The following SERPINE2 variants were observed in gnomAD, a reference collection of about 807,000 sequenced individuals.
SERPINE2 encodes the protein serpin family E member 2.
SERPINE2 carries 14 observed loss-of-function variants against 36.3 expected under a neutral mutation model. The ratio of observed to expected loss-of-function variants is 0.39; its 90% CI spans 0.25 to 0.60. The LOEUF (loss-of-function observed/expected upper bound fraction) is 0.60. SERPINE2 is among the 20% of genes least tolerant of loss of function. The pLI, the probability that SERPINE2 is intolerant of heterozygous loss-of-function variation, is 0.57. For missense variants in SERPINE2, 418 were observed against 499.6 expected (o/e 0.84, Z 1.56); for synonymous variants, 192 against 191.8 (o/e 1.00, Z -0.01).
chr2:223,982,850 A>C (rs958230110), intron 5 of SERPINE2, 69 bp from the exon 6 acceptor site: 66 of 1,090,692 alleles, frequency 6.1e-5, no homozygotes, highest in Non-Finnish European at 8.2e-5. Flanking sequence ...GAGTCGGTGC[A>C]TGTTTACAAA....
At chr2:224,020,187 T>C (rs1380147130) in intron 1 of SERPINE2, among the ~76,000 whole-genome samples, 2 of 152,194 alleles carry the variant, frequency 1.3e-5, no homozygotes, top group Admixed American at 1.3e-4. Flanking sequence ...GTAATATTTA[T>C]GAACAACCAT....
chr2:223,977,084 G>A (rs956530870), intron 8 of SERPINE2, among the ~76,000 whole-genome samples: 5 of 152,144 alleles, frequency 3.3e-5, no homozygotes, highest in African/African-American at 1.2e-4. Flanking sequence ...TGAGGTTCCT[G>A]AGGCTTCCCT....
intron 1 of SERPINE2, among the ~76,000 whole-genome samples, chr2:224,032,910 A>G (rs1692425541): frequency 6.6e-6 from 1 of 152,236 alleles, no homozygotes; most frequent in Non-Finnish European, 1.5e-5. Flanking sequence ...CTGGGCTTAC[A>G]TCCAGACCTA....
intron 1 of SERPINE2, among the ~76,000 whole-genome samples, chr2:224,017,801 C>A (rs1311277321): frequency 6.6e-6 from 1 of 152,164 alleles, no homozygotes; most frequent in African/African-American, 2.4e-5. Context: ...TCGAAGCTGG[C>A]CTCTGCTGTT....
chr2:224,013,980 A>G (rs1207814031), intron 1 of SERPINE2: 2 of 152,382 alleles, frequency 1.3e-5, no homozygotes, highest in African/African-American at 4.8e-5. Context: ...CTGGCAGGCC[A>G]AAGCTTCAAT....
At chr2:224,018,103 C>T (rs1683040405) in intron 1 of SERPINE2, among the ~76,000 whole-genome samples, 1 of 152,140 alleles carries the variant, frequency 6.6e-6, no homozygotes, top group African/African-American at 2.4e-5. Flanking sequence ...TTGCCCTCCC[C>T]AGGGGAAGCA....
At chr2:224,016,521 A>G (rs1237526481) in intron 1 of SERPINE2, among the ~76,000 whole-genome samples, 1 of 139,520 alleles carries the variant, frequency 7.2e-6, no homozygotes, top group Non-Finnish European at 1.6e-5. Flanking sequence ...AAAAAAAAAA[A>G]ATAGTTTGGT....
At chr2:224,033,453 C>T (rs2106205119) in intron 1 of SERPINE2, among the ~76,000 whole-genome samples, 1 of 152,236 alleles carries the variant, frequency 6.6e-6, no homozygotes, top group South Asian at 2.1e-4. Context: ...GAGAAAGCCA[C>T]ATCAAAAGGA....
chr2:224,010,322 C>G, intron 1 of SERPINE2: 1 of 984,584 alleles, frequency 1.0e-6, no homozygotes, highest in Non-Finnish European at 1.2e-6. Context: ...AAAAAGGAAC[C>G]TAAAAATGTT....
intron 7 of SERPINE2, 57 bp downstream of exon 7, chr2:223,980,254 C>T (rs1690173846): frequency 1.4e-6 from 2 of 1,385,646 alleles, no homozygotes; most frequent in African/African-American, 1.4e-5. Context: ...AATGAGTATA[C>T]AGGAATGTGT....
At chr2:224,035,508 G>A (rs939919961) in intron 1 of SERPINE2, among the ~76,000 whole-genome samples, 1 of 152,010 alleles carries the variant, frequency 6.6e-6, no homozygotes, top group Admixed American at 6.6e-5. Flanking sequence ...TCAGCCTCCC[G>A]AGTAGCTGGG....
intron 1 of SERPINE2, among the ~76,000 whole-genome samples, chr2:224,028,487 C>T (rs1230103333): frequency 6.6e-6 from 1 of 152,206 alleles, no homozygotes; most frequent in East Asian, 1.9e-4. Context: ...GGCCGTGCAT[C>T]ACTGCTCAGC....
chr2:224,024,877 G>A (rs927504744), intron 1 of SERPINE2, among the ~76,000 whole-genome samples: 3 of 152,182 alleles, frequency 2.0e-5, no homozygotes, highest in Admixed American at 6.5e-5. Flanking sequence ...CTGCACCAAC[G>A]AATCTTTAGG....
chr2:224,015,649 C>A (rs1691776370), intron 1 of SERPINE2, among the ~76,000 whole-genome samples: 1 of 152,228 alleles, frequency 6.6e-6, no homozygotes, highest in Admixed American at 6.5e-5. Flanking sequence ...AAGAATCATT[C>A]ACACTCCAGT....
chr2:224,029,474 T>C (rs1248985884), intron 1 of SERPINE2, among the ~76,000 whole-genome samples: 3 of 152,366 alleles, frequency 2.0e-5, no homozygotes, highest in Non-Finnish European at 2.9e-5. Flanking sequence ...CTTTTGCATA[T>C]TGACGGAATC....
At chr2:223,985,934 T>G (rs1287838099) in intron 4 of SERPINE2, among the ~76,000 whole-genome samples, 1 of 152,212 alleles carries the variant, frequency 6.6e-6, no homozygotes, top group Non-Finnish European at 1.5e-5. Flanking sequence ...TGCAAGATGC[T>G]CTATAGACAA....
At chr2:223,980,071 T>C (rs1417646070) in intron 7 of SERPINE2, 1 of 405,318 alleles carries the variant, frequency 2.5e-6, no homozygotes. Flanking sequence ...AGAAGTTTGC[T>C]GACTCCTGTC....
intron 1 of SERPINE2, among the ~76,000 whole-genome samples, chr2:224,037,555 G>T (rs766674356): frequency 5.9e-5 from 9 of 152,182 alleles, no homozygotes; most frequent in Non-Finnish European, 1.3e-4. Context: ...TCTAGAGGAG[G>T]AGAAATAGCC....
intron 1 of SERPINE2, among the ~76,000 whole-genome samples, chr2:224,002,482 GT>G (rs1232507691): frequency 6.6e-6 from 1 of 151,738 alleles, no homozygotes; most frequent in Non-Finnish European, 1.5e-5. Flanking sequence ...TTAATTCTCG[GT>G]TATTTTATTT....
Sources: allele counts gnomAD v4.1 joint callset (sites outside exome capture counted in the v4.1 genomes callset), GRCh38; gene constraint gnomAD v4.1.1; transcripts MANE v1.5; gene names NCBI Gene and HGNC (gene_info 2026-07-23, HGNC 2026-07-21).